Variants in CHN2 observed in about 807,000 individuals in gnomAD.
The protein encoded by CHN2 is chimerin 2, also known as beta-chimaerin.
A neutral mutation model predicts 56.3 loss-of-function variants in CHN2; 35 were observed. The ratio of observed to expected loss-of-function variants is 0.62; its 90% CI spans 0.47 to 0.82. The LOEUF (loss-of-function observed/expected upper bound fraction) is 0.82, where lower values mean the gene tolerates loss of function less well. Among genes scored for constraint, CHN2 ranks in the 40% least tolerant of loss-of-function variants. CHN2 has a pLI of 0.00. For missense variants in CHN2, 491 were observed against 580.5 expected (o/e 0.85, Z 1.58); for synonymous variants, 210 against 212.8 (o/e 0.99, Z 0.12).
chr7:29,347,908 G>A (rs528809269), intron 1 of CHN2, among the ~76,000 whole-genome samples: 117 of 152,332 alleles, frequency 7.7e-4, no homozygotes, highest in Middle Eastern at 3.4e-3. Context: ...AGAACAGTAT[G>A]TATGGTATGA....
intron 1 of CHN2, among the ~76,000 whole-genome samples, chr7:29,277,793 T>A (rs536695828): frequency 7.2e-5 from 11 of 152,222 alleles, no homozygotes; most frequent in Admixed American, 7.2e-4. Flanking sequence ...TAAACCATGA[T>A]GGCATCAGCC....
At chr7:29,208,239 G>A (rs371193677) in intron 1 of CHN2, among the ~76,000 whole-genome samples, 4 of 152,282 alleles carry the variant, frequency 2.6e-5, no homozygotes, top group Non-Finnish European at 4.4e-5. Context: ...AATGGCCTGC[G>A]TGAATGTATA....
chr7:29,232,642 G>A (rs1427094879), intron 1 of CHN2, among the ~76,000 whole-genome samples: 1 of 149,868 alleles, frequency 6.7e-6, no homozygotes, highest in East Asian at 2.0e-4. Flanking sequence ...TCCAAGAATA[G>A]CGGTGCGTCT....
intron 1 of CHN2, among the ~76,000 whole-genome samples, chr7:29,284,579 C>T (rs898559881): frequency 1.3e-5 from 2 of 152,192 alleles, no homozygotes; most frequent in Non-Finnish European, 2.9e-5. Flanking sequence ...CAACAACTAG[C>T]AAGGAAATGG....
intron 6 of CHN2, among the ~76,000 whole-genome samples, chr7:29,426,144 G>GGCT (rs980646922): frequency 4.0e-5 from 6 of 148,530 alleles, no homozygotes; most frequent in Admixed American, 2.7e-4. Context: ...GGGAGGTGGA[G>GGCT]GCTGCAGTGA....
intron 6 of CHN2, among the ~76,000 whole-genome samples, chr7:29,471,631 G>A (rs962616935): frequency 6.6e-6 from 1 of 152,186 alleles, no homozygotes; most frequent in African/African-American, 2.4e-5. Flanking sequence ...GCACTTCTGT[G>A]TGTCTCTCAC....
intron 6 of CHN2, among the ~76,000 whole-genome samples, chr7:29,444,969 GAA>G (rs1206943600): frequency 6.6e-6 from 1 of 152,214 alleles, no homozygotes; most frequent in African/African-American, 2.4e-5. Context: ...TTGAATAGAA[GAA>G]AAGAGAGGTT....
intron 7 of CHN2, among the ~76,000 whole-genome samples, chr7:29,490,406 C>T (rs1406847721): frequency 2.0e-5 from 3 of 152,170 alleles, no homozygotes; most frequent in African/African-American, 7.2e-5. Context: ...TGCTGTATCA[C>T]CTGACACATA....
chr7:29,184,055 TG>T (rs1365590659), intron 2 of CHN2, among the ~76,000 whole-genome samples: 1 of 151,950 alleles, frequency 6.6e-6, no homozygotes, highest in Non-Finnish European at 1.5e-5. Context: ...ATAAGACACT[TG>T]GGCATATGCA....
chr7:29,227,236 G>A (rs2128797526), intron 1 of CHN2, among the ~76,000 whole-genome samples: 1 of 152,272 alleles, frequency 6.6e-6, no homozygotes, highest in African/African-American at 2.4e-5. Flanking sequence ...ATGCCTTGCT[G>A]GGCACTGCAG....
chr7:29,369,278 GA>G (rs1208297103), intron 3 of CHN2, among the ~76,000 whole-genome samples: 2 of 151,632 alleles, frequency 1.3e-5, no homozygotes, highest in East Asian at 1.9e-4. Context: ...ATGTCTCAAT[GA>G]AAAAAAACTT....
At chr7:29,344,654 C>T (rs966931049) in intron 1 of CHN2, among the ~76,000 whole-genome samples, 4 of 152,150 alleles carry the variant, frequency 2.6e-5, no homozygotes, top group African/African-American at 7.2e-5. Flanking sequence ...AATAGCCTAT[C>T]TGCTTGACTG....
At chr7:29,463,305 G>A (rs144215419) in intron 6 of CHN2, among the ~76,000 whole-genome samples, 1 of 152,114 alleles carries the variant, frequency 6.6e-6, no homozygotes, top group Non-Finnish European at 1.5e-5. Context: ...CTAAACCAGC[G>A]GCAGTGAACT....
At chr7:29,507,859 A>C (rs749721849) in intron 11 of CHN2, among the ~76,000 whole-genome samples, 27 of 152,178 alleles carry the variant, frequency 1.8e-4, no homozygotes, top group Non-Finnish European at 1.9e-4. Context: ...AAGGTTTACA[A>C]ATTTGTGCTG....
chr7:29,332,161 C>T (rs899945303), intron 1 of CHN2, among the ~76,000 whole-genome samples: 6 of 152,196 alleles, frequency 3.9e-5, no homozygotes, highest in African/African-American at 1.2e-4. Context: ...TGAGAACTCC[C>T]GCAGTGGCGC....
chr7:29,365,407 AT>A (rs772215563), intron 2 of CHN2, among the ~76,000 whole-genome samples: 2 of 152,228 alleles, frequency 1.3e-5, no homozygotes, highest in Non-Finnish European at 2.9e-5. Context: ...TGGAACTCAC[AT>A]CAATAAATAC....
chr7:29,412,816 T>C (rs1431215224), intron 6 of CHN2, among the ~76,000 whole-genome samples: 4 of 137,064 alleles, frequency 2.9e-5, no homozygotes, highest in Admixed American at 9.0e-5. Flanking sequence ...TGGGAACCTG[T>C]AGACTCTGAA....
chr7:29,380,192 G>T (rs968300249), intron 3 of CHN2, among the ~76,000 whole-genome samples: 11 of 152,062 alleles, frequency 7.2e-5, no homozygotes, highest in African/African-American at 2.4e-4. Flanking sequence ...GAGAATATAT[G>T]TAAAAGCATT....
chr7:29,202,006 A>G (rs1784199824), intron 1 of CHN2, among the ~76,000 whole-genome samples: 1 of 152,244 alleles, frequency 6.6e-6, no homozygotes, highest in African/African-American at 2.4e-5. Context: ...GTCCTGAGGT[A>G]TGATTCAAGC....
Sources: gnomAD v4.1 joint callset for allele counts (sites outside exome capture counted in the v4.1 genomes callset) on GRCh38, gnomAD v4.1.1 for gene constraint, MANE v1.5 for transcripts, NCBI Gene and HGNC (gene_info 2026-07-23, HGNC 2026-07-21) for gene names.